The following SNTG1 variants were observed in gnomAD, a reference collection of about 807,000 sequenced individuals.
SNTG1 encodes the protein gamma-1-syntrophin.
In SNTG1, 39 loss-of-function variants were observed where a neutral mutation model predicts 74.7. The observed-to-expected ratio is 0.52, with a 90% CI of 0.40 to 0.68. The LOEUF is 0.68. Among genes scored for constraint, SNTG1 ranks in the 30% least tolerant of loss-of-function variants. The probability of loss-of-function intolerance (pLI) is 0.00; values close to 1 mark genes in which losing one functional copy is unlikely to be tolerated. For synonymous variants in SNTG1, 254 were observed against 217.1 expected, an observed-to-expected ratio of 1.17 and a Z score of -1.49; for missense variants, 685 against 609.5, an observed-to-expected ratio of 1.12 and a Z score of -1.30.
intron 1 of SNTG1, among the ~76,000 whole-genome samples, chr8:50,114,266 A>G (rs904228386): frequency 1.3e-5 from 2 of 152,208 alleles, no homozygotes; most frequent in Non-Finnish European, 2.9e-5. Context: ...ACTTAAAACC[A>G]GTAGATTTTC....
intron 2 of SNTG1, among the ~76,000 whole-genome samples, chr8:50,320,093 C>T (rs965997591): frequency 6.6e-6 from 1 of 152,054 alleles, no homozygotes; most frequent in Non-Finnish European, 1.5e-5. Flanking sequence ...TGGTGTTAGT[C>T]GTTCTTTCAA....
intron 17 of SNTG1, among the ~76,000 whole-genome samples, chr8:50,750,656 G>C (rs2095565241): frequency 6.6e-6 from 1 of 151,864 alleles, no homozygotes; most frequent in African/African-American, 2.4e-5. Flanking sequence ...ACCAGCAAAA[G>C]GACTACGGCT....
At chr8:50,530,416 G>T (rs942415024) in intron 10 of SNTG1, among the ~76,000 whole-genome samples, 157 bp downstream of exon 10, 3 of 149,334 alleles carry the variant, frequency 2.0e-5, no homozygotes, top group Non-Finnish European at 4.4e-5. Flanking sequence ...AATAGATCAG[G>T]TTTCTTATGC....
intron 4 of SNTG1, among the ~76,000 whole-genome samples, chr8:50,430,608 C>G (rs72642365): frequency 0.047 from 7,167 of 152,216 alleles, 241 homozygotes; most frequent in Middle Eastern, 0.088. Flanking sequence ...ACAGACAAAT[C>G]GACTTTGTTC....
In SNTG1 at chr8:50,210,565, G is replaced by T. The variant is rs2084472149; in HGVS notation, c.-28+37930G>T. Among the ~76,000 whole-genome samples the T allele has an allele frequency of 2.0e-5, 3 of 152,284 alleles. No individual in the cohort carries two copies. In the South Asian group the frequency reaches 6.2e-4, roughly 32 times the overall value. On this transcript the variant is annotated intron_variant, in intron 2 of 18. Transcript: ENST00000642720. ...CTGTACAAGCCAGAAGAGAGTGGGA[G>T]CCAATATTCAACATTCTTAAAGACA... is the stretch of plus-strand genomic sequence containing the variant.
intron 2 of SNTG1, among the ~76,000 whole-genome samples, chr8:50,260,527 A>ACG (rs397758159): frequency 1.7e-4 from 25 of 143,210 alleles, no homozygotes; most frequent in Non-Finnish European, 3.1e-4. Flanking sequence ...ACACACACAC[A>ACG]GACACACACA....
In SNTG1 at chr8:50,636,451, A is replaced by G. The variant is rs151331315; in HGVS notation, c.850-20458A>G. On this transcript the variant is annotated intron_variant, in intron 13 of 18. Transcript: ENST00000642720. The stretch of plus-strand genomic sequence containing the variant: ...CGGTAGTAAAGCTTGCCAAAACTCA[A>G]TTTTGTCTGCTGGGATGTGCAATTC... 3.1e-3 allele frequency among the ~76,000 whole-genome samples: 464 copies of G among 152,080 alleles called. 3 individuals are homozygous for G. The highest frequency in any genetic ancestry group is 0.011 in the African/African-American group (445 of 41,520).
At chr8:50,291,237 G>C (rs1378294323) in intron 2 of SNTG1, among the ~76,000 whole-genome samples, 1 of 97,206 alleles carries the variant, frequency 1.0e-5, no homozygotes, top group Non-Finnish European at 2.2e-5. Context: ...GAGAGAGACA[G>C]ACATATGTGT....
In SNTG1 at chr8:50,073,688, A is replaced by G. The variant is rs183433400; in HGVS notation, c.-102-98873A>G. Among the ~76,000 whole-genome samples, 45 of 152,246 alleles carry G rather than the reference A, an allele frequency of 3.0e-4. No individual in the cohort carries two copies. The East Asian group carries it at 8.5e-3, about 29-fold the overall frequency. The stretch of plus-strand genomic sequence containing the variant: ...AAATTACTCTTTGATCCATGAGCTG[A>G]GAAATGGATGTTGTGTTAACAGGTA... On this transcript the variant is annotated intron_variant, in intron 1 of 18. Transcript: ENST00000642720.
At chr8:50,304,013 T>C (rs1317001100) in intron 2 of SNTG1, among the ~76,000 whole-genome samples, 1 of 152,188 alleles carries the variant, frequency 6.6e-6, no homozygotes, top group Admixed American at 6.5e-5. Context: ...CCACACTGGC[T>C]CTGTGCTATT....
intron 2 of SNTG1, among the ~76,000 whole-genome samples, chr8:50,353,433 T>A (rs2091728491): frequency 6.6e-6 from 1 of 152,154 alleles, no homozygotes; most frequent in Non-Finnish European, 1.5e-5. Flanking sequence ...TTTAGCATTA[T>A]CCTACTCACT....
intron 2 of SNTG1, among the ~76,000 whole-genome samples, chr8:50,189,885 C>A (rs529755960): frequency 1.3e-5 from 2 of 152,184 alleles, no homozygotes; most frequent in African/African-American, 2.4e-5. Context: ...TTTTTTGAAT[C>A]CCAATTCTAA....
At chr8:50,259,508 A>AAAAAGAAAGAAAGAAAG (rs1554621879) in intron 2 of SNTG1, among the ~76,000 whole-genome samples, 31 of 15,746 alleles carry the variant, frequency 2.0e-3, no homozygotes, top group Non-Finnish European at 2.0e-3. Context: ...CAAAAAAAAA[A>AAAAAGAAAGAAAGAAAG]AAAGAAAGAA....
At chr8:49,991,100 A>C (rs1813641182) in intron 1 of SNTG1, among the ~76,000 whole-genome samples, 1 of 152,188 alleles carries the variant, frequency 6.6e-6, no homozygotes, top group African/African-American at 2.4e-5. Context: ...AATAATAAAA[A>C]GACAATAATT....
At chr8:50,177,554 G>T (rs879818317) in intron 2 of SNTG1, among the ~76,000 whole-genome samples, 1 of 152,170 alleles carries the variant, frequency 6.6e-6, no homozygotes, top group Non-Finnish European at 1.5e-5. Flanking sequence ...ACCCTGGTTT[G>T]CTCAGAGAGG....
At chr8:50,743,678 A>T (rs553249902) in intron 17 of SNTG1, among the ~76,000 whole-genome samples, 2 of 151,854 alleles carry the variant, frequency 1.3e-5, no homozygotes, top group East Asian at 3.9e-4. Flanking sequence ...AAAATTGAAA[A>T]TTAGTAAAAT....
intron 1 of SNTG1, among the ~76,000 whole-genome samples, chr8:50,032,955 A>G (rs1206701310): frequency 6.6e-6 from 1 of 151,978 alleles, no homozygotes; most frequent in Non-Finnish European, 1.5e-5. Context: ...TCTTTAGATA[A>G]CTACTCAAAA....
intron 15 of SNTG1, among the ~76,000 whole-genome samples, chr8:50,694,582 T>C (rs7015560): frequency 0.1 from 15,540 of 152,080 alleles, 2,230 homozygotes; most frequent in African/African-American, 0.32. Context: ...AAACTCTTTT[T>C]ATGAGGATAA....
intron 15 of SNTG1, among the ~76,000 whole-genome samples, chr8:50,666,934 A>G (rs1464583571): frequency 6.6e-6 from 1 of 152,040 alleles, no homozygotes; most frequent in African/African-American, 2.4e-5. Flanking sequence ...ATATTTACTT[A>G]AATGTGATTG....
Sources: allele counts gnomAD v4.1 joint callset (sites outside exome capture counted in the v4.1 genomes callset), GRCh38; gene constraint gnomAD v4.1.1; transcripts MANE v1.5; gene names NCBI Gene and HGNC (gene_info 2026-07-23, HGNC 2026-07-21).